FSTL5: variants seen among roughly 807,000 people sequenced by gnomAD.
FSTL5 encodes follistatin like 5, also known as follistatin-related protein 5.
A neutral mutation model predicts 89.1 loss-of-function variants in FSTL5; 62 were observed. The ratio of observed to expected loss-of-function variants is 0.70; its 90% CI spans 0.57 to 0.86. FSTL5 has a LOEUF of 0.86. Ranked by LOEUF, FSTL5 falls within the 40% of genes least tolerant of loss-of-function variation. The probability of loss-of-function intolerance (pLI) is 0.00; values close to 1 mark genes in which losing one functional copy is unlikely to be tolerated. For missense variants in FSTL5, 1,057 were observed against 1,001.6 expected (o/e 1.06, Z -0.75); for synonymous variants, 383 against 346.2 (o/e 1.11, Z -1.18).
chr4:161,742,848 C>T (rs1015655396), intron 6 of FSTL5, among the ~76,000 whole-genome samples: 5 of 151,988 alleles, frequency 3.3e-5, no homozygotes, highest in African/African-American at 1.2e-4. Flanking sequence ...TCTTCTTTGG[C>T]AGATGACCAA....
At chr4:161,853,154 T>TCA (rs1441431777) in intron 4 of FSTL5, among the ~76,000 whole-genome samples, 4 of 152,252 alleles carry the variant, frequency 2.6e-5, no homozygotes, top group African/African-American at 9.6e-5. Context: ...TGAGCTTATC[T>TCA]GTTTTCTAAA....
At chr4:161,755,755 C>T (rs1281723912) in intron 6 of FSTL5, among the ~76,000 whole-genome samples, 1 of 152,084 alleles carries the variant, frequency 6.6e-6, no homozygotes, top group African/African-American at 2.4e-5. Flanking sequence ...CTTTGACTAT[C>T]ACAACACCCT....
chr4:161,604,693 C>T (rs977378798), intron 7 of FSTL5, among the ~76,000 whole-genome samples: 1 of 152,098 alleles, frequency 6.6e-6, no homozygotes, highest in African/African-American at 2.4e-5. Context: ...TGTTGGAAAC[C>T]CTTCAATGAG....
chr4:161,769,958 A>T (rs955412635), intron 5 of FSTL5, among the ~76,000 whole-genome samples: 2 of 152,040 alleles, frequency 1.3e-5, no homozygotes, highest in African/African-American at 2.4e-5. Context: ...TTTGGAAGCA[A>T]CATAAGTGTT....
chr4:161,887,086 C>G (rs1326766048), intron 4 of FSTL5, among the ~76,000 whole-genome samples: 1 of 152,056 alleles, frequency 6.6e-6, no homozygotes, highest in Non-Finnish European at 1.5e-5. Flanking sequence ...AACAAATTCT[C>G]AAATCTCAAA....
chr4:161,515,198 TG>T (rs1730776272), intron 10 of FSTL5, among the ~76,000 whole-genome samples: 1 of 152,088 alleles, frequency 6.6e-6, no homozygotes, highest in Admixed American at 6.6e-5. Flanking sequence ...ATTCTCTTTT[TG>T]TTTGTTTCTT....
chr4:162,127,255 G>A (rs1245367786), intron 1 of FSTL5, among the ~76,000 whole-genome samples: 1 of 152,062 alleles, frequency 6.6e-6, no homozygotes, highest in African/African-American at 2.4e-5. Context: ...CCCCCACAAA[G>A]CTATGCCTTT....
intron 15 of FSTL5, among the ~76,000 whole-genome samples, chr4:161,436,643 G>A (rs921537036): frequency 6.6e-6 from 1 of 152,154 alleles, no homozygotes. Context: ...CATTTTAATA[G>A]TGAGGGACAG....
Position 161,759,429 on chromosome 4 carries a change from C to A in FSTL5, c.709G>T (p.Glu237Ter), listed in dbSNP as rs761988974. 7 of 1,592,086 alleles carry A rather than the reference C, an allele frequency of 4.4e-6. No homozygotes were observed. Among genetic ancestry groups the A allele is most frequent in the Non-Finnish European group, 5.1e-6 (6 of 1,171,322 alleles). Residue 237 changes from glutamate (E) to a stop codon, truncating the protein, a stop_gained, in exon 6 of 16, where the codon GAA (glutamate) becomes TAA (stop). Transcript: ENST00000306100. LOFTEE classifies it high-confidence loss of function. Reference protein sequence around the residue: ...FNADKHLALEEFYRAFQVIQL... With the variant: ...FNADKHLALE ...TACTCACGGAATGCTCTATAAAATT[C>A]TTCAAGAGCCAGGTGCTTGTCAGCA... is the stretch of plus-strand genomic sequence containing the variant.
chr4:161,775,837 C>T (rs756919749), intron 5 of FSTL5, 41 bp downstream of exon 5: 3 of 994,350 alleles, frequency 3.0e-6, no homozygotes, highest in Non-Finnish European at 4.3e-6. Context: ...ATTGTGCATG[C>T]TATATTTCAG....
At chr4:161,903,248 A>G (rs995227619) in intron 4 of FSTL5, among the ~76,000 whole-genome samples, 1 of 152,118 alleles carries the variant, frequency 6.6e-6, no homozygotes, top group Non-Finnish European at 1.5e-5. Context: ...ATTTTAAAAG[A>G]CACTATCGAT....
chr4:161,570,677 C>T (rs894037170), intron 8 of FSTL5, among the ~76,000 whole-genome samples: 1 of 152,070 alleles, frequency 6.6e-6, no homozygotes, highest in African/African-American at 2.4e-5. Flanking sequence ...TTACAAACAT[C>T]GTAGATAAAA....
At chr4:161,611,231 C>CATATATATATATATATAT (rs70937667) in intron 7 of FSTL5, among the ~76,000 whole-genome samples, 2 of 128,484 alleles carry the variant, frequency 1.6e-5, no homozygotes, top group Non-Finnish European at 3.2e-5. Flanking sequence ...TATGTGTATA[C>CATATATATATATATATAT]ATATATATAT....
At chr4:161,809,594 T>G (rs1333693646) in intron 4 of FSTL5, among the ~76,000 whole-genome samples, 1 of 152,208 alleles carries the variant, frequency 6.6e-6, no homozygotes, top group African/African-American at 2.4e-5. Context: ...TCAATGGAAG[T>G]GGGTCAATGG....
intron 8 of FSTL5, among the ~76,000 whole-genome samples, chr4:161,551,221 T>C (rs1732201670): frequency 6.7e-6 from 1 of 149,748 alleles, no homozygotes; most frequent in Non-Finnish European, 1.5e-5. Flanking sequence ...GTGTTCCTAT[T>C]TCTCCACATC....
At chr4:161,943,680 C>A (rs1339591060) in intron 3 of FSTL5, among the ~76,000 whole-genome samples, 1 of 149,390 alleles carries the variant, frequency 6.7e-6, no homozygotes, top group Non-Finnish European at 1.5e-5. Context: ...CTCAGCCTCC[C>A]GAGTAGCTGG....
In FSTL5 at chr4:161,738,322, A is replaced by G. The variant is rs1055297148; in HGVS notation, c.727+21089T>C. 3.3e-5 allele frequency among the ~76,000 whole-genome samples: 5 copies of G among 152,064 alleles called. No homozygotes were observed. The East Asian group carries it at 9.6e-4, about 29-fold the overall frequency. On this transcript the variant is annotated intron_variant, in intron 6 of 15. Transcript: ENST00000306100. ...ATACACCATCTTATGGTGCTGGCTT[A>G]AGAAGCCTAGAAAGCCTTTACAATA...
intron 15 of FSTL5, among the ~76,000 whole-genome samples, chr4:161,394,468 G>C (rs1390115247): frequency 1.3e-5 from 2 of 152,010 alleles, no homozygotes; most frequent in African/African-American, 4.8e-5. Context: ...GTAGAGACAG[G>C]GTTTCACCAT....
At chr4:162,023,758 A>G (rs1041358272) in intron 3 of FSTL5, among the ~76,000 whole-genome samples, 5 of 152,174 alleles carry the variant, frequency 3.3e-5, no homozygotes, top group Non-Finnish European at 1.5e-5. Flanking sequence ...TTAAAGGTCC[A>G]TCATAGAACT....
Sources: gnomAD v4.1 joint callset for allele counts (sites outside exome capture counted in the v4.1 genomes callset) on GRCh38, gnomAD v4.1.1 for gene constraint, MANE v1.5 for transcripts, NCBI Gene and HGNC (gene_info 2026-07-23, HGNC 2026-07-21) for gene names.